TLK1: variants seen among roughly 807,000 people sequenced by gnomAD.
TLK1 encodes the protein serine/threonine-protein kinase tousled-like 1.
In TLK1, 24 loss-of-function variants were observed where a neutral mutation model predicts 105.3. That is an observed-to-expected ratio of 0.23 (90% confidence interval 0.17 to 0.32). The LOEUF (loss-of-function observed/expected upper bound fraction) is 0.32. Among genes scored for constraint, TLK1 ranks in the 10% least tolerant of loss-of-function variants. The pLI is 1.00. For synonymous variants in TLK1, 321 were observed against 310.4 expected, an observed-to-expected ratio of 1.03 and a Z score of -0.36; for missense variants, 558 against 910.5, an observed-to-expected ratio of 0.61 and a Z score of 4.98.
At chr2:171,068,178 A>C (rs1352800884) in intron 3 of TLK1, among the ~76,000 whole-genome samples, 1 of 151,998 alleles carries the variant, frequency 6.6e-6, no homozygotes, top group Non-Finnish European at 1.5e-5. Flanking sequence ...AATACAAAAA[A>C]ATTAGCCAGA....
chr2:171,027,748 A>G (rs1685844212), intron 12 of TLK1, among the ~76,000 whole-genome samples: 1 of 152,252 alleles, frequency 6.6e-6, no homozygotes, highest in African/African-American at 2.4e-5. Flanking sequence ...AGAATAATCT[A>G]AAGACCTTGG....
At chr2:171,157,011 G>A (rs570918297) in intron 1 of TLK1, among the ~76,000 whole-genome samples, 1 of 152,190 alleles carries the variant, frequency 6.6e-6, no homozygotes, top group Admixed American at 6.5e-5. Flanking sequence ...TCACCATGTT[G>A]TCCAGGCTGG....
chr2:171,097,041 C>A (rs1193785415), intron 2 of TLK1, among the ~76,000 whole-genome samples: 1 of 152,122 alleles, frequency 6.6e-6, no homozygotes, highest in Non-Finnish European at 1.5e-5. Context: ...TGAGTAAGCA[C>A]AAAGCTGGAG....
chr2:171,028,122 C>G (rs535763434), intron 12 of TLK1, among the ~76,000 whole-genome samples: 1 of 151,830 alleles, frequency 6.6e-6, no homozygotes, highest in Non-Finnish European at 1.5e-5. Flanking sequence ...TAGATTGTGC[C>G]GCTGCACTCC....
chr2:171,111,440 G>A (rs1012234626), intron 2 of TLK1, among the ~76,000 whole-genome samples: 3 of 151,946 alleles, frequency 2.0e-5, no homozygotes, highest in East Asian at 1.9e-4. Context: ...AAAACTAGCC[G>A]AATGTCATGG....
At chr2:171,196,353 G>A (rs1190187678) in intron 1 of TLK1, among the ~76,000 whole-genome samples, 2 of 152,110 alleles carry the variant, frequency 1.3e-5, no homozygotes, top group Non-Finnish European at 2.9e-5. Context: ...CTGACCTCAG[G>A]TGATCTGCCC....
intron 1 of TLK1, among the ~76,000 whole-genome samples, chr2:171,158,047 TTAAAA>T (rs1314776787): frequency 6.6e-6 from 1 of 152,200 alleles, no homozygotes; most frequent in Admixed American, 6.5e-5. Flanking sequence ...TGCTAAACAC[TTAAAA>T]TAAAAACTGA....
At chr2:171,031,688 C>T (rs1476193703) in intron 11 of TLK1, among the ~76,000 whole-genome samples, 1 of 152,192 alleles carries the variant, frequency 6.6e-6, no homozygotes, top group African/African-American at 2.4e-5. Flanking sequence ...GACTTGACTC[C>T]TGATAATCTT....
chr2:171,033,546 T>A (rs1313342305), intron 11 of TLK1, among the ~76,000 whole-genome samples: 1 of 148,128 alleles, frequency 6.8e-6, no homozygotes, highest in Non-Finnish European at 1.5e-5. Context: ...TATTGTACAT[T>A]TAAAATAACC....
At chr2:171,049,986 T>C (rs778365613) in intron 9 of TLK1, 36 bp from the exon 10 acceptor site, 2 of 1,612,116 alleles carry the variant, frequency 1.2e-6, no homozygotes, top group African/African-American at 1.3e-5. Context: ...CTCAATTGTA[T>C]TCATTAATTT....
intron 4 of TLK1, 69 bp downstream of exon 4, chr2:171,061,012 T>C: frequency 7.0e-7 from 1 of 1,438,538 alleles, no homozygotes; most frequent in Admixed American, 1.8e-5. Context: ...AGAGTATTAA[T>C]TGGTTAAAAA....
intron 1 of TLK1, among the ~76,000 whole-genome samples, chr2:171,189,302 G>T (rs1693098327): frequency 6.6e-6 from 1 of 151,908 alleles, no homozygotes; most frequent in South Asian, 2.1e-4. Context: ...GAATAGCTGG[G>T]ATTACAGGCG....
At chr2:170,994,693 G>A (rs759617298) in intron 20 of TLK1, 2 of 517,858 alleles carry the variant, frequency 3.9e-6, no homozygotes, top group African/African-American at 3.9e-5. Flanking sequence ...TCCAGGCACT[G>A]GCTCTGTCCC....
chr2:171,162,253 T>G (rs977433973), upstream of TLK1, among the ~76,000 whole-genome samples: 6 of 152,176 alleles, frequency 3.9e-5, no homozygotes, highest in African/African-American at 1.4e-4. Context: ...AAGTGTACAA[T>G]TATTGGCCAG....
intron 2 of TLK1, among the ~76,000 whole-genome samples, chr2:171,101,643 C>T (rs1348152122): frequency 6.6e-6 from 1 of 152,050 alleles, no homozygotes; most frequent in Non-Finnish European, 1.5e-5. Flanking sequence ...AATTATATCT[C>T]AATAAAAGTG....
At chr2:171,096,538 T>C (rs1689460689) in intron 2 of TLK1, among the ~76,000 whole-genome samples, 1 of 151,770 alleles carries the variant, frequency 6.6e-6, no homozygotes, top group African/African-American at 2.4e-5. Context: ...AGGTGGATCA[T>C]TTGAGGCCAG....
intron 14 of TLK1, among the ~76,000 whole-genome samples, chr2:171,010,139 A>G (rs962853468): frequency 3.9e-5 from 6 of 152,236 alleles, no homozygotes; most frequent in African/African-American, 1.4e-4. Flanking sequence ...CCTTGAGCTA[A>G]GAGACAGAAG....
chr2:171,012,061 G>A (rs1305415100), intron 13 of TLK1, among the ~76,000 whole-genome samples: 1 of 151,668 alleles, frequency 6.6e-6, no homozygotes, highest in Admixed American at 6.6e-5. Context: ...AAGTGTTTCC[G>A]ATTTGGGAGT....
chr2:171,059,963 G>T (rs775098230), intron 4 of TLK1: 2 of 1,607,618 alleles, frequency 1.2e-6, no homozygotes, highest in Non-Finnish European at 1.7e-6. Flanking sequence ...GCCAAGGACT[G>T]GAAGACCGGG....
Sources: allele counts gnomAD v4.1 joint callset (sites outside exome capture counted in the v4.1 genomes callset), GRCh38; gene constraint gnomAD v4.1.1; transcripts MANE v1.5; gene names NCBI Gene and HGNC (gene_info 2026-07-23, HGNC 2026-07-21).